ZNF724: variants seen among roughly 807,000 people sequenced by gnomAD.
ZNF724 encodes zinc finger protein 724.
Under a neutral mutation model 29.3 loss-of-function variants are expected in ZNF724, and 14 were observed. The ratio of observed to expected loss-of-function variants is 0.48; its 90% CI spans 0.32 to 0.75. The LOEUF (loss-of-function observed/expected upper bound fraction) is 0.75, where lower values mean the gene tolerates loss of function less well. Ranked by LOEUF, ZNF724 falls within the 30% of genes least tolerant of loss-of-function variation. ZNF724 has a pLI of 0.04. For synonymous variants in ZNF724, 180 were observed against 193.6 expected (o/e 0.93, Z 0.58); for missense variants, 557 against 571.2 (o/e 0.98, Z 0.25).
intron 1 of ZNF724, among the ~76,000 whole-genome samples, chr19:23,241,134 G>T (rs1972117179): frequency 6.6e-6 from 1 of 151,942 alleles, no homozygotes; most frequent in South Asian, 2.1e-4. Flanking sequence ...AGACACCTCT[G>T]TACACAAAAA....
rs1407298580 is a variant in ZNF724 at position 23,223,820 on chromosome 19, C to T, written c.425G>A (p.Ser142Asn). The change falls in exon 4 of 4, where the codon AGC becomes AAC. Residue 142 changes from serine (S) to asparagine (N), a missense_variant. Transcript: ENST00000418100. The stretch of plus-strand genomic sequence containing the variant: ...ATATTTATCACACTGAAATATTTTG[C>T]TCTGGGTAGTTGTCAAACACTGGTT... ...GFNQCLTTTQ[S>N]KIFQCDKYVK... 9 of 779,538 alleles carry T rather than the reference C, an allele frequency of 1.2e-5. No individual in the cohort carries two copies. Among genetic ancestry groups the T allele is most frequent in the African/African-American group, 3.4e-5 (2 of 59,098 alleles). 48.3% of individuals were successfully genotyped at this position (779,538 alleles called of 1,614,324 possible).
intron 1 of ZNF724, among the ~76,000 whole-genome samples, chr19:23,246,515 C>T (rs939468541): frequency 9.9e-5 from 15 of 151,862 alleles, no homozygotes; most frequent in Middle Eastern, 3.2e-3. Context: ...ATTAGCTGGG[C>T]GTGGTGGCAT....
chr19:23,242,719 AG>A (rs57064100), intron 1 of ZNF724: 69,688 of 125,244 alleles, frequency 0.56, 19,255 homozygotes, highest in East Asian at 0.71. Context: ...GTCTGAAAAA[AG>A]AAAAAGTAAT....
At chr19:23,241,329 A>C (rs1220850994) in intron 1 of ZNF724, among the ~76,000 whole-genome samples, 1 of 152,220 alleles carries the variant, frequency 6.6e-6, no homozygotes, top group Non-Finnish European at 1.5e-5. Context: ...TAAAAAGAAA[A>C]GCTGATATAA....
chr19:23,228,329 A>C (rs920489803), intron 3 of ZNF724, among the ~76,000 whole-genome samples: 1 of 151,328 alleles, frequency 6.6e-6, no homozygotes, highest in African/African-American at 2.4e-5. Flanking sequence ...GCATGCCTGT[A>C]ATCCCAGCTA....
At chr19:23,241,053 C>CA (rs1162705287) in intron 1 of ZNF724, among the ~76,000 whole-genome samples, 116 of 148,898 alleles carry the variant, frequency 7.8e-4, no homozygotes, top group African/African-American at 2.1e-3. Flanking sequence ...ACAACAACAA[C>CA]AAAAAAAAAA....
chr19:23,236,842 C>T (rs1972028642), intron 1 of ZNF724: 1 of 152,038 alleles, frequency 6.6e-6, no homozygotes, highest in Non-Finnish European at 1.5e-5. Flanking sequence ...CAATTTCCAA[C>T]AGCTCCTTTT....
intron 1 of ZNF724, among the ~76,000 whole-genome samples, chr19:23,237,717 T>TAAAAAAAAA (rs56110527): frequency 7.5e-6 from 1 of 132,582 alleles, no homozygotes. Context: ...GAACCCGTCT[T>TAAAAAAAAA]AAAAAAAAAA....
chr19:23,224,928 C>G (rs571224835), intron 3 of ZNF724, among the ~76,000 whole-genome samples: 1 of 152,046 alleles, frequency 6.6e-6, no homozygotes, highest in Admixed American at 6.6e-5. Context: ...GCACTCCAGC[C>G]TGGGCAACAG....
rs1255044576 is a variant in ZNF724 at position 23,222,047 on chromosome 19, ATTC to A, written c.*335_*337del. ...GAACAGATATTAATGGCTTCTTCAC[ATTC>A]TTTACATTTGCATAATTTTTCTCAA... On this transcript the variant is annotated 3_prime_UTR_variant, in exon 4 of 4. Transcript: ENST00000418100. 2 of 241,508 alleles carry A rather than the reference ATTC, an allele frequency of 8.3e-6. No homozygotes were observed. The highest frequency in any genetic ancestry group is 1.6e-5 in the Non-Finnish European group (2 of 125,632). The allele number at this position is 241,508 out of a possible 1,614,324, so 15.0% of individuals were successfully genotyped here.
At chr19:23,237,717 TAA>T (rs56110527) in intron 1 of ZNF724, among the ~76,000 whole-genome samples, 1 of 132,584 alleles carries the variant, frequency 7.5e-6, no homozygotes, top group Non-Finnish European at 1.6e-5. Flanking sequence ...GAACCCGTCT[TAA>T]AAAAAAAAAA....
intron 1 of ZNF724, among the ~76,000 whole-genome samples, chr19:23,242,206 C>G (rs1465458939): frequency 6.6e-6 from 1 of 152,132 alleles, no homozygotes; most frequent in African/African-American, 2.4e-5. Flanking sequence ...TTACAAAACA[C>G]TGCTCAAAGA....
chr19:23,225,590 A>G (rs1971812086), intron 3 of ZNF724, among the ~76,000 whole-genome samples: 1 of 152,174 alleles, frequency 6.6e-6, no homozygotes, highest in South Asian at 2.1e-4. Flanking sequence ...TGGGCAACAA[A>G]GCAAGACTCC....
intron 3 of ZNF724, among the ~76,000 whole-genome samples, chr19:23,224,936 CAG>C (rs1447891352): frequency 6.6e-6 from 1 of 151,664 alleles, no homozygotes; most frequent in Admixed American, 6.6e-5. Flanking sequence ...GCCTGGGCAA[CAG>C]AGCAAGACTC....
rs1372211096 is a variant in ZNF724, at chr19:23,221,632, G to C, written c.*753C>G. On this transcript the variant is annotated 3_prime_UTR_variant, in exon 4 of 4. Coordinates refer to ENST00000418100, the MANE Select transcript of ZNF724 (RefSeq NM_001355404.2). The stretch of plus-strand genomic sequence containing the variant: ...GTGCAGCTGGAGTGCCCAGGCTGGA[G>C]TGTGGTGGCACAAACTCAGCTCACT... 1 of 152,154 alleles carries C rather than the reference G, an allele frequency of 6.6e-6. No individual in the cohort carries two copies. Among genetic ancestry groups the C allele is most frequent in the Non-Finnish European group, 1.5e-5 (1 of 68,178 alleles). The allele number at this position is 152,154 out of a possible 1,614,324, so 9.4% of individuals were successfully genotyped here.
chr19:23,250,303 C>T lies in ZNF724; in HGVS notation c.-61G>A. The T allele has an allele frequency of 1.7e-6, 1 of 588,138 alleles. No homozygotes were observed. The highest frequency in any genetic ancestry group is 1.9e-5 in the Admixed American group (1 of 51,830). 36.4% of individuals were successfully genotyped at this position (588,138 alleles called of 1,614,324 possible). Reference sequence around the variant, plus strand: ...TGTGGATCTCCCAATGCTTGCAGGTCAGAGGGCCACAGAGGCTGGGCCTCT... The same window carrying T: ...TGTGGATCTCCCAATGCTTGCAGGTTAGAGGGCCACAGAGGCTGGGCCTCT... On this transcript the variant is annotated 5_prime_UTR_variant, in exon 1 of 4. Coordinates refer to ENST00000418100, the MANE Select transcript of ZNF724 (RefSeq NM_001355404.2).
intron 1 of ZNF724, among the ~76,000 whole-genome samples, chr19:23,237,014 C>T (rs1414637362): frequency 1.3e-5 from 2 of 151,916 alleles, no homozygotes; most frequent in Non-Finnish European, 1.5e-5. Flanking sequence ...CACCACCCCC[C>T]GCTAATTTTT....
intron 3 of ZNF724, among the ~76,000 whole-genome samples, chr19:23,224,954 CAAACAAAA>C (rs1375796032): frequency 6.6e-6 from 1 of 150,574 alleles, no homozygotes; most frequent in Non-Finnish European, 1.5e-5. Flanking sequence ...GACTCCGTCT[CAAACAAAA>C]AAACAAACAA....
chr19:23,246,367 T>G (rs1972233918), intron 1 of ZNF724, among the ~76,000 whole-genome samples: 1 of 152,088 alleles, frequency 6.6e-6, no homozygotes, highest in South Asian at 2.1e-4. Flanking sequence ...CTTATAAAAT[T>G]TAGCATCGGC....
Sources: gnomAD v4.1 joint callset for allele counts (sites outside exome capture counted in the v4.1 genomes callset) on GRCh38, gnomAD v4.1.1 for gene constraint, MANE v1.5 for transcripts, NCBI Gene and HGNC (gene_info 2026-07-23, HGNC 2026-07-21) for gene names.